Variants in RBFOX1 observed in about 807,000 individuals in gnomAD.
RBFOX1 encodes the protein RNA binding fox-1 homolog 1, also known as RNA binding protein fox-1 homolog 1.
In RBFOX1, 8 loss-of-function variants were observed where a neutral mutation model predicts 57.7. The observed-to-expected ratio is 0.14, with a 90% CI of 0.08 to 0.25. RBFOX1 has a LOEUF of 0.25. Ranked by LOEUF, RBFOX1 falls within the 10% of genes least tolerant of loss-of-function variation. RBFOX1 has a pLI of 1.00. For missense variants in RBFOX1, 611 were observed against 548.5 expected (o/e 1.11, Z -1.14); for synonymous variants, 326 against 222.4 (o/e 1.47, Z -4.15).
In RBFOX1 at chr16:6,019,095, GCACA is replaced by G. The variant is rs1427714390; in HGVS notation, c.-1015_-1012del. 1.0e-6 allele frequency: 1 copy of G among 981,098 alleles called. No individual in the cohort carries two copies. Among genetic ancestry groups the G allele is most frequent in the Middle Eastern group, 5.2e-4 (1 of 1,908 alleles). 60.8% of individuals were successfully genotyped at this position (981,098 alleles called of 1,614,324 possible). A position where few individuals can be genotyped will look rare whatever the true frequency, so the allele number is the denominator to read the frequency against. ...CGCTCACACACACACAGACACACAC[GCACA>G]CACACACATGCACACATTTTCTCGC... On this transcript the variant is annotated 5_prime_UTR_variant, in exon 1 of 16. It adds an upstream start codon to the 5' untranslated region. Transcript: ENST00000550418. The surrounding 1 kb of genome is among the most constrained non-coding windows in gnomAD (Gnocchi z 4.2).
intron 2 of RBFOX1, among the ~76,000 whole-genome samples, chr16:6,624,113 C>T (rs568901942): frequency 8.5e-5 from 13 of 152,104 alleles, no homozygotes; most frequent in South Asian, 2.1e-4. Flanking sequence ...AAGGGAGATA[C>T]GGACAACACT....
intron 4 of RBFOX1, among the ~76,000 whole-genome samples, chr16:7,269,806 C>T (rs4536494): frequency 0.26 from 39,099 of 152,048 alleles, 5,341 homozygotes; most frequent in South Asian, 0.31. Flanking sequence ...AAGATATGAG[C>T]ATCTTTATAC....
chr16:6,686,946 C>T (rs1437649557), intron 3 of RBFOX1, among the ~76,000 whole-genome samples: 1 of 152,172 alleles, frequency 6.6e-6, no homozygotes, highest in African/African-American at 2.4e-5. Flanking sequence ...ATAGATTCTG[C>T]TCGTAATGAT....
chr16:7,062,892 CATTTTTT>C (rs1359642635), intron 4 of RBFOX1, among the ~76,000 whole-genome samples: 5,529 of 59,504 alleles, frequency 0.093, 1,586 homozygotes, highest in East Asian at 0.19. Context: ...AAATGATCGC[CATTTTTT>C]TTTTTTTTTT....
At chr16:6,696,693 AT>A (rs56037111) in intron 3 of RBFOX1, among the ~76,000 whole-genome samples, 130,947 of 151,658 alleles carry the variant, frequency 0.86, 57,281 homozygotes, top group Middle Eastern at 0.94. Flanking sequence ...CTCAAAGGAG[AT>A]TTTTTTTTTC....
rs1395894999 is a variant in RBFOX1, at chr16:5,921,719, C to T, written c.351+54384C>T. On this transcript the variant is annotated intron_variant, in intron 4 of 19. Coordinates refer to the RBFOX1 transcript ENST00000641259. ...ATGGTTCTGCAGGCTGTACAGGGAG[C>T]GTAGTGCCAGAATCTGCTGCTGGGG... Among the ~76,000 whole-genome samples the T allele has an allele frequency of 2.0e-5, 3 of 151,930 alleles. No homozygotes were observed. In the South Asian group the frequency reaches 6.2e-4, roughly 32 times the overall value.
At chr16:6,517,726 A>G (rs2096409072) in intron 2 of RBFOX1, among the ~76,000 whole-genome samples, 1 of 152,302 alleles carries the variant, frequency 6.6e-6, no homozygotes, top group East Asian at 1.9e-4. Context: ...CGATGGTTTC[A>G]AAATTATCCT....
intron 1 of RBFOX1, among the ~76,000 whole-genome samples, chr16:5,294,824 A>T (rs932906665): frequency 6.6e-6 from 1 of 151,740 alleles, no homozygotes; most frequent in African/African-American, 2.4e-5. Flanking sequence ...TGAGGCCAGG[A>T]TTTCAAGATC....
intron 3 of RBFOX1, among the ~76,000 whole-genome samples, chr16:5,721,990 T>C (rs746140660): frequency 3.9e-5 from 6 of 152,204 alleles, no homozygotes; most frequent in South Asian, 4.1e-4. Flanking sequence ...TTTGACCCCA[T>C]AGCACAATAT....
At chr16:7,704,477 C>CA (rs1384672409) in intron 14 of RBFOX1, among the ~76,000 whole-genome samples, 2 of 152,156 alleles carry the variant, frequency 1.3e-5, no homozygotes, top group Non-Finnish European at 2.9e-5. Context: ...CCAGAGTCTT[C>CA]AAAAAGCGTA....
intron 1 of RBFOX1, among the ~76,000 whole-genome samples, chr16:5,311,265 T>C (rs2064081469): frequency 6.6e-6 from 1 of 152,036 alleles, no homozygotes; most frequent in African/African-American, 2.4e-5. Context: ...TACACACACA[T>C]ATATATTAAT....
chr16:6,892,044 G>A (rs1007815925), intron 3 of RBFOX1, among the ~76,000 whole-genome samples: 2 of 152,158 alleles, frequency 1.3e-5, no homozygotes, highest in African/African-American at 4.8e-5. Flanking sequence ...TTCTGTTGTA[G>A]TCGTGTGAAG....
chr16:7,243,661 G>T (rs2178712), intron 4 of RBFOX1, among the ~76,000 whole-genome samples: 3 of 152,114 alleles, frequency 2.0e-5, no homozygotes, highest in African/African-American at 7.2e-5. Context: ...GATCCTCCCA[G>T]CTCAGCCTCC....
At chr16:5,467,739 C>G (rs576506249) in intron 2 of RBFOX1, among the ~76,000 whole-genome samples, 69 of 152,264 alleles carry the variant, frequency 4.5e-4, no homozygotes, top group African/African-American at 1.7e-3. Context: ...ATTATTGTTG[C>G]TTGATAAGGA....
intron 4 of RBFOX1, among the ~76,000 whole-genome samples, chr16:5,926,294 G>A (rs2058939119): frequency 6.6e-6 from 1 of 152,156 alleles, no homozygotes. Context: ...AGCTCTCACT[G>A]GAAATCCTAT....
chr16:6,210,346 A>AAAC (rs776598836), intron 1 of RBFOX1, among the ~76,000 whole-genome samples: 42 of 55,128 alleles, frequency 7.6e-4, no homozygotes, highest in Non-Finnish European at 1.9e-3. Flanking sequence ...ACAAAAAAAC[A>AAAC]AAAAAAAAAA....
intron 3 of RBFOX1, among the ~76,000 whole-genome samples, chr16:5,665,134 G>GGT (rs1555497017): frequency 2.1e-5 from 3 of 141,104 alleles, no homozygotes; most frequent in African/African-American, 5.1e-5. Context: ...TTTTACATGG[G>GGT]GGGGGGCGGT....
At chr16:6,810,422 G>T (rs1326443233) in intron 3 of RBFOX1, among the ~76,000 whole-genome samples, 1 of 152,052 alleles carries the variant, frequency 6.6e-6, no homozygotes. Context: ...ACTTTTTCCT[G>T]GGAGAAGGAT....
intron 2 of RBFOX1, among the ~76,000 whole-genome samples, chr16:6,448,507 T>C (rs1470267125): frequency 6.6e-6 from 1 of 152,162 alleles, no homozygotes; most frequent in African/African-American, 2.4e-5. Flanking sequence ...GATGAATTTA[T>C]TTTAGGTATG....
Sources: gnomAD v4.1 joint callset for allele counts (sites outside exome capture counted in the v4.1 genomes callset) on GRCh38, gnomAD v4.1.1 for gene constraint, Gnocchi (gnomAD v3.1) non-coding constraint, MANE v1.5 for transcripts, NCBI Gene and HGNC (gene_info 2026-07-23, HGNC 2026-07-21) for gene names.